Variants in BTBD9 observed in about 807,000 individuals in gnomAD.
The protein encoded by BTBD9 is BTB domain containing 9.
BTBD9 carries 49 observed loss-of-function variants against 64.3 expected under a neutral mutation model. The observed-to-expected ratio is 0.76, with a 90% confidence interval of 0.61 to 0.97. The LOEUF (loss-of-function observed/expected upper bound fraction) is 0.97. Ranked by LOEUF, BTBD9 falls within the 50% of genes least tolerant of loss-of-function variation. The pLI, the probability that BTBD9 is intolerant of heterozygous loss-of-function variation, is 0.00. For missense variants in BTBD9, 598 were observed against 762.1 expected, an observed-to-expected ratio of 0.78 and a Z score of 2.53; for synonymous variants, 260 against 274.7, an observed-to-expected ratio of 0.95 and a Z score of 0.53.
chr6:38,337,383 A>C (rs1763934390), intron 7 of BTBD9, among the ~76,000 whole-genome samples: 1 of 152,270 alleles, frequency 6.6e-6, no homozygotes, highest in Non-Finnish European at 1.5e-5. Context: ...TTTAAATGAC[A>C]GTAGTAACCA....
At chr6:38,510,961 A>G (rs1772746899) in intron 6 of BTBD9, among the ~76,000 whole-genome samples, 1 of 152,204 alleles carries the variant, frequency 6.6e-6, no homozygotes, top group Admixed American at 6.5e-5. Flanking sequence ...TATATGCTCC[A>G]AAATAACTCT....
At chr6:38,481,977 T>G (rs566720354) in intron 6 of BTBD9, 1 of 152,308 alleles carries the variant, frequency 6.6e-6, no homozygotes, top group Admixed American at 6.5e-5. Flanking sequence ...AGGGGCAGCT[T>G]GTAACTCAGA....
intron 9 of BTBD9, among the ~76,000 whole-genome samples, chr6:38,212,478 A>C (rs1762867480): frequency 6.6e-6 from 1 of 152,192 alleles, no homozygotes; most frequent in Admixed American, 6.5e-5. Flanking sequence ...TTGCTCAGAA[A>C]GTTGTTCCTA....
At chr6:38,181,636 A>G (rs1173367451) in intron 10 of BTBD9, among the ~76,000 whole-genome samples, 5 of 152,186 alleles carry the variant, frequency 3.3e-5, no homozygotes, top group Admixed American at 3.3e-4. Flanking sequence ...CTCCAACAAA[A>G]TATCCCTTTT....
At chr6:38,476,200 C>T (rs1483969826) in intron 6 of BTBD9, among the ~76,000 whole-genome samples, 1 of 152,160 alleles carries the variant, frequency 6.6e-6, no homozygotes, top group African/African-American at 2.4e-5. Flanking sequence ...TTCAAGGCAG[C>T]ACAGCACAAA....
chr6:38,396,505 T>C (rs562547941), intron 6 of BTBD9, among the ~76,000 whole-genome samples: 1 of 144,410 alleles, frequency 6.9e-6, no homozygotes, highest in Admixed American at 6.7e-5. Flanking sequence ...AACAACCTGC[T>C]GTGTGTCTTG....
At chr6:38,383,235 C>T (rs563541959) in intron 6 of BTBD9, among the ~76,000 whole-genome samples, 1 of 152,302 alleles carries the variant, frequency 6.6e-6, no homozygotes, top group South Asian at 2.1e-4. Context: ...ATATAATTCA[C>T]ACATTAACTT....
At chr6:38,230,233 G>A (rs1763549488) in intron 9 of BTBD9, among the ~76,000 whole-genome samples, 1 of 152,210 alleles carries the variant, frequency 6.6e-6, no homozygotes, top group South Asian at 2.1e-4. Context: ...GGTGGCTCAT[G>A]CCTGTAATCC....
chr6:38,546,677 A>G (rs1774567386), intron 6 of BTBD9, among the ~76,000 whole-genome samples: 1 of 151,908 alleles, frequency 6.6e-6, no homozygotes, highest in South Asian at 2.1e-4. Flanking sequence ...TGTTTGTTTT[A>G]TTTTGTTTTG....
At chr6:38,322,294 C>T (rs1310031954) in intron 7 of BTBD9, among the ~76,000 whole-genome samples, 1 of 152,140 alleles carries the variant, frequency 6.6e-6, no homozygotes, top group African/African-American at 2.4e-5. Context: ...AAACCTCCTG[C>T]TTAAAAATCC....
chr6:38,479,407 T>C (rs1771031239), intron 6 of BTBD9, among the ~76,000 whole-genome samples: 1 of 152,176 alleles, frequency 6.6e-6, no homozygotes, highest in African/African-American at 2.4e-5. Context: ...TCCTCAATGT[T>C]AGTAAAAACA....
intron 6 of BTBD9, among the ~76,000 whole-genome samples, chr6:38,406,180 T>C (rs1307833659): frequency 6.6e-6 from 1 of 152,216 alleles, no homozygotes; most frequent in Non-Finnish European, 1.5e-5. Flanking sequence ...GACAGGGACC[T>C]AGCACCTTCT....
intron 6 of BTBD9, among the ~76,000 whole-genome samples, chr6:38,401,560 T>G (rs1019697099): frequency 6.6e-6 from 1 of 152,212 alleles, no homozygotes; most frequent in Admixed American, 6.5e-5. Context: ...GAATCATTGT[T>G]GTATAAAAGT....
At chr6:38,380,778 T>C (rs1022391719) in intron 6 of BTBD9, among the ~76,000 whole-genome samples, 1 of 152,134 alleles carries the variant, frequency 6.6e-6, no homozygotes, top group Non-Finnish European at 1.5e-5. Context: ...ATAGGAGCTC[T>C]AGGCTGCAGT....
At chr6:38,266,602 AAAGGAAAGAAAG>A (rs1764985645) in intron 8 of BTBD9, among the ~76,000 whole-genome samples, 2 of 127,876 alleles carry the variant, frequency 1.6e-5, no homozygotes, top group Non-Finnish European at 3.2e-5. Flanking sequence ...GAAAGGAAAG[AAAGGAAAGAAAG>A]AAAGAAAGAA....
chr6:38,310,416 T>C (rs1762785175), intron 7 of BTBD9, among the ~76,000 whole-genome samples: 1 of 148,514 alleles, frequency 6.7e-6, no homozygotes, highest in Non-Finnish European at 1.5e-5. Context: ...CTGAAGTAGT[T>C]ATCAGAAAAA....
intron 8 of BTBD9, among the ~76,000 whole-genome samples, chr6:38,262,131 C>T (rs1279809634): frequency 6.6e-6 from 1 of 152,194 alleles, no homozygotes; most frequent in African/African-American, 2.4e-5. Flanking sequence ...GTGCCTGCAA[C>T]AACAGAGAGC....
intron 6 of BTBD9, among the ~76,000 whole-genome samples, chr6:38,465,834 CTTT>C (rs368219474): frequency 1.4e-5 from 1 of 69,626 alleles, no homozygotes; most frequent in Non-Finnish European, 2.7e-5. Context: ...TTCTTTTTTC[CTTT>C]TTTTTTTTTT....
chr6:38,514,169 T>G (rs1772906526), intron 6 of BTBD9, among the ~76,000 whole-genome samples: 1 of 152,204 alleles, frequency 6.6e-6, no homozygotes, highest in African/African-American at 2.4e-5. Context: ...GATCCAGAGA[T>G]CTGATGGCTA....
Sources: allele counts gnomAD v4.1 joint callset (sites outside exome capture counted in the v4.1 genomes callset), GRCh38; gene constraint gnomAD v4.1.1; transcripts MANE v1.5; gene names NCBI Gene and HGNC (gene_info 2026-07-23, HGNC 2026-07-21).